DHX35: variants seen among roughly 807,000 people sequenced by gnomAD.
DHX35 encodes the protein DEAH-box helicase 35.
In DHX35, 84 loss-of-function variants were observed where a neutral mutation model predicts 99.6. The observed-to-expected ratio is 0.84, with a 90% CI of 0.71 to 1.01. The LOEUF (loss-of-function observed/expected upper bound fraction) is 1.01, where lower values mean the gene tolerates loss of function less well. Ranked by LOEUF, DHX35 falls within the 50% of genes least tolerant of loss-of-function variation. The pLI, the probability that DHX35 is intolerant of heterozygous loss-of-function variation, is 0.00. For synonymous variants in DHX35, 331 were observed against 316.2 expected (o/e 1.05, Z -0.50); for missense variants, 852 against 888.5 (o/e 0.96, Z 0.52).
intron 3 of DHX35, chr20:38,977,573 G>C (rs879016122): frequency 6.8e-6 from 2 of 294,066 alleles, no homozygotes; most frequent in East Asian, 1.4e-4. Context: ...CAAGCAAAGG[G>C]TGGAGTTCCA....
chr20:38,965,060 A>G (rs966667560), intron 1 of DHX35, among the ~76,000 whole-genome samples: 5 of 151,724 alleles, frequency 3.3e-5, no homozygotes, highest in South Asian at 2.1e-4. Context: ...ACCTCACACC[A>G]ATAAATTAGA....
rs62202586 is a variant in DHX35 at position 39,000,380 on chromosome 20, C to T, written c.643-1350C>T. Reference sequence around the variant, plus strand: ...TTGGGGCATGGGGTGTCTGTTCCCACTTGTTTGTATGTCACTTCTAGTGTA... The same window carrying T: ...TTGGGGCATGGGGTGTCTGTTCCCATTTGTTTGTATGTCACTTCTAGTGTA... On this transcript the variant is annotated intron_variant, in intron 8 of 21. Transcript: ENST00000252011. Among the ~76,000 whole-genome samples, 991 of 152,224 alleles carry T rather than the reference C, an allele frequency of 6.5e-3. 10 individuals carry two copies. The highest frequency in any genetic ancestry group is 0.023 in the African/African-American group (938 of 41,532).
intron 1 of DHX35, among the ~76,000 whole-genome samples, chr20:38,965,348 G>C (rs1192495668): frequency 6.6e-6 from 1 of 152,232 alleles, no homozygotes; most frequent in Admixed American, 6.5e-5. Context: ...AATGCAAGGT[G>C]AAAGTCAGGG....
chr20:38,986,484 A>G (rs1443034188), intron 4 of DHX35, among the ~76,000 whole-genome samples: 2 of 152,232 alleles, frequency 1.3e-5, no homozygotes, highest in East Asian at 3.8e-4. Context: ...TTATATTTTT[A>G]CAGAGATTTG....
rs2086908130 is a variant in DHX35, at chr20:39,023,739, T to C, written c.1643T>C (p.Met548Thr). 3 of 1,614,138 alleles carry C rather than the reference T, an allele frequency of 1.9e-6. No homozygotes were observed. Among genetic ancestry groups the C allele is most frequent in the Non-Finnish European group, 1.7e-6 (2 of 1,179,972 alleles). ...GTGGAGGAGGGCGACCACCTCACTATGCTCAATATATATGAAGCATTTATC... is the reference window on the plus strand; with the variant it reads ...GTGGAGGAGGGCGACCACCTCACTACGCTCAATATATATGAAGCATTTATC... Reference protein sequence around the residue: ...FAVEEGDHLTMLNIYEAFIKH... With the variant: ...FAVEEGDHLTTLNIYEAFIKH... Residue 548 changes from methionine to threonine, a missense_variant, in exon 17 of 22, where the codon ATG becomes ACG. Met to Thr is a moderately conservative substitution (Grantham distance 81). Coordinates refer to ENST00000252011, the MANE Select transcript of DHX35 (RefSeq NM_021931.4).
chr20:38,987,609 A>T (rs370450195), intron 4 of DHX35, among the ~76,000 whole-genome samples: 10 of 152,180 alleles, frequency 6.6e-5, no homozygotes, highest in African/African-American at 2.2e-4. Flanking sequence ...TCTTTTAAAT[A>T]TTTTCTATTA....
At chr20:39,028,906 C>G (rs920691177) in intron 19 of DHX35, among the ~76,000 whole-genome samples, 1 of 152,176 alleles carries the variant, frequency 6.6e-6, no homozygotes, top group Admixed American at 6.5e-5. Flanking sequence ...TATAGTGTGG[C>G]CACGTCTGGT....
intron 21 of DHX35, among the ~76,000 whole-genome samples, chr20:39,035,406 G>T (rs1476651634): frequency 6.6e-6 from 1 of 152,188 alleles, no homozygotes; most frequent in African/African-American, 2.4e-5. Flanking sequence ...TGTGCTGTTT[G>T]TGGCCTGAAA....
chr20:39,021,709 C>T (rs569530014), intron 15 of DHX35, 132 bp from the exon 16 acceptor site: 6 of 889,572 alleles, frequency 6.7e-6, no homozygotes, highest in Admixed American at 3.8e-5. Context: ...ATACTATACA[C>T]TTTAAAAATT....
At chr20:39,033,182 G>T (rs1003418182) in intron 20 of DHX35, among the ~76,000 whole-genome samples, 1 of 152,152 alleles carries the variant, frequency 6.6e-6, no homozygotes, top group Admixed American at 6.5e-5. Flanking sequence ...GCTTCAGTGA[G>T]CCATGATTGC....
rs763549183 is a variant in DHX35 at position 39,010,293 on chromosome 20, C to T, written c.1236C>T (p.Asp412=). ...CYRLYTEEAF[D]KLPQSTVPEM... ...TCCTATCCTCAGAGGAAGCCTTTGA[C>T]AAGTTGCCTCAGTCTACGGTTCCTG... The change falls in exon 13 of 22, where the codon GAC becomes GAT. Residue 412 remains aspartate (D), a synonymous_variant. Coordinates refer to ENST00000252011, the MANE Select transcript of DHX35 (RefSeq NM_021931.4). 4.2e-5 allele frequency: 67 copies of T among 1,614,014 alleles called. No homozygotes were observed. The highest frequency in any genetic ancestry group is 1.6e-4 in the Middle Eastern group (1 of 6,084).
intron 20 of DHX35, among the ~76,000 whole-genome samples, chr20:39,031,206 G>A (rs2087044833): frequency 6.6e-6 from 1 of 151,856 alleles, no homozygotes; most frequent in African/African-American, 2.4e-5. Flanking sequence ...AGCTTCTTAA[G>A]CAAACAGTGA....
chr20:39,029,980 C>CTT (rs998747126), intron 19 of DHX35: 13 of 138,052 alleles, frequency 9.4e-5, no homozygotes, highest in African/African-American at 2.4e-4. Flanking sequence ...CAGTATTGAG[C>CTT]TTTTTTTTTT....
chr20:39,030,495 T>TGG, intron 19 of DHX35: 1 of 562,410 alleles, frequency 1.8e-6, no homozygotes, highest in Admixed American at 3.3e-5. Context: ...TTTTCTCCTC[T>TGG]TCGCTTTTTC....
At chr20:39,022,655 G>T (rs1445971290) in intron 16 of DHX35, among the ~76,000 whole-genome samples, 4 of 152,222 alleles carry the variant, frequency 2.6e-5, no homozygotes, top group Non-Finnish European at 5.9e-5. Flanking sequence ...AGTGACATAA[G>T]AAGTCAGGTG....
Position 39,018,827 on chromosome 20 carries a change from A to G in DHX35, c.1426A>G (p.Thr476Ala). 1 of 1,613,958 alleles carries G rather than the reference A, an allele frequency of 6.2e-7. No individual in the cohort carries two copies. Among genetic ancestry groups the G allele is most frequent in the Non-Finnish European group, 8.5e-7 (1 of 1,179,906 alleles). ...AGGTCTGGACAAAGACTGTCGCCTA[A>G]CTGAACCGCTTGGCATGAGAATTGC... ...LGGLDKDCRL[T>A]EPLGMRIAEF... The change falls in exon 15 of 22, where the codon ACT becomes GCT. Residue 476 changes from threonine to alanine, a missense_variant. By Grantham distance (58) the Thr-to-Ala change is moderately conservative (BLOSUM62 0). Coordinates refer to ENST00000252011, the MANE Select transcript of DHX35 (RefSeq NM_021931.4).
chr20:38,988,689 C>T, intron 4 of DHX35, 124 bp from the exon 5 acceptor site: 4 of 1,348,274 alleles, frequency 3.0e-6, no homozygotes, highest in South Asian at 2.9e-5. Context: ...TAACTTGTCT[C>T]TTTTCATTTT....
chr20:39,019,013 A>G (rs1205581287), intron 15 of DHX35, 114 bp downstream of exon 15: 6 of 872,506 alleles, frequency 6.9e-6, no homozygotes, highest in South Asian at 3.2e-5. Context: ...AAGTATATAT[A>G]TATCTGTAAC....
intron 3 of DHX35, among the ~76,000 whole-genome samples, chr20:38,976,766 C>G (rs1007838596): frequency 6.6e-6 from 1 of 152,100 alleles, no homozygotes; most frequent in African/African-American, 2.4e-5. Context: ...TCCCCTCTTC[C>G]CTCTGCAGCC....
Sources: allele counts gnomAD v4.1 joint callset (sites outside exome capture counted in the v4.1 genomes callset), GRCh38; gene constraint gnomAD v4.1.1; transcripts MANE v1.5; gene names NCBI Gene and HGNC (gene_info 2026-07-23, HGNC 2026-07-21).